RBFOX1: variants seen among roughly 807,000 people sequenced by gnomAD.
RBFOX1 encodes RNA binding fox-1 homolog 1, also known as RNA binding protein fox-1 homolog 1.
In RBFOX1, 8 loss-of-function variants were observed where a neutral mutation model predicts 57.7. The observed-to-expected ratio is 0.14, with a 90% CI of 0.08 to 0.25. The LOEUF is 0.25. Ranked by LOEUF, RBFOX1 falls within the 10% of genes least tolerant of loss-of-function variation. The pLI, the probability that RBFOX1 is intolerant of heterozygous loss-of-function variation, is 1.00. For synonymous variants in RBFOX1, 326 were observed against 222.4 expected, an observed-to-expected ratio of 1.47 and a Z score of -4.15; for missense variants, 611 against 548.5, an observed-to-expected ratio of 1.11 and a Z score of -1.14.
intron 4 of RBFOX1, among the ~76,000 whole-genome samples, chr16:7,338,338 A>T (rs187719749): frequency 6.6e-6 from 1 of 152,284 alleles, no homozygotes; most frequent in East Asian, 1.9e-4. Flanking sequence ...AAAAATGCCA[A>T]TGTATGCCTC....
chr16:6,494,671 T>G (rs958994982), intron 2 of RBFOX1, among the ~76,000 whole-genome samples: 1 of 152,242 alleles, frequency 6.6e-6, no homozygotes, highest in Non-Finnish European at 1.5e-5. Flanking sequence ...ACCGTGAGTT[T>G]CACTTCTCTG....
intron 3 of RBFOX1, among the ~76,000 whole-genome samples, chr16:6,792,625 A>G (rs1223595894): frequency 6.6e-6 from 1 of 152,204 alleles, no homozygotes; most frequent in East Asian, 1.9e-4. Context: ...CCTTCATGTA[A>G]CATTGCTGTC....
At position 5,831,527 on chromosome 16, in the gene RBFOX1, T is replaced by G. The variant is rs566321048; in HGVS notation, c.319-35776T>G. 3.9e-3 allele frequency among the ~76,000 whole-genome samples: 570 copies of G among 147,656 alleles called. 3 individuals are homozygous for G. Among genetic ancestry groups the G allele is most frequent in the Middle Eastern group, 0.017 (5 of 286 alleles). ...TATTATTTGAGATGGAGTTTCGCTCTTGTCCAGGCCAGAGTGCAGTGGCAC... is the reference window on the plus strand; with the variant it reads ...TATTATTTGAGATGGAGTTTCGCTCGTGTCCAGGCCAGAGTGCAGTGGCAC... On this transcript the variant is annotated intron_variant, in intron 3 of 19. Coordinates refer to the RBFOX1 transcript ENST00000641259.
intron 4 of RBFOX1, among the ~76,000 whole-genome samples, chr16:5,883,275 T>G (rs11076982): frequency 0.53 from 80,914 of 152,082 alleles, 23,456 homozygotes; most frequent in African/African-American, 0.78. Context: ...ATTTCAGATA[T>G]ATTTTAAAAA....
At chr16:7,530,008 C>CAA (rs35251344) in intron 5 of RBFOX1, among the ~76,000 whole-genome samples, 84,013 of 125,008 alleles carry the variant, frequency 0.67, 31,553 homozygotes, top group Non-Finnish European at 0.85. Flanking sequence ...GACTCCATCT[C>CAA]AAAAAAAAAA....
intron 4 of RBFOX1, among the ~76,000 whole-genome samples, chr16:7,336,963 T>G (rs1411176288): frequency 6.6e-6 from 1 of 152,210 alleles, no homozygotes; most frequent in African/African-American, 2.4e-5. Flanking sequence ...TTCAGGGTGT[T>G]GTCCTAGACC....
At chr16:7,532,690 G>T (rs954885248) in intron 5 of RBFOX1, among the ~76,000 whole-genome samples, 5 of 152,196 alleles carry the variant, frequency 3.3e-5, no homozygotes, top group Non-Finnish European at 7.3e-5. Context: ...CTCGTGGGCC[G>T]ATTCCTGCCT....
intron 1 of RBFOX1, among the ~76,000 whole-genome samples, chr16:6,031,616 C>T (rs546151831): frequency 6.6e-6 from 1 of 152,252 alleles, no homozygotes; most frequent in East Asian, 1.9e-4. Context: ...TTTTTGTGTA[C>T]ATTTCTGCAC....
At chr16:7,575,053 G>A (rs942331943) in intron 5 of RBFOX1, among the ~76,000 whole-genome samples, 1 of 151,830 alleles carries the variant, frequency 6.6e-6, no homozygotes, top group Admixed American at 6.6e-5. Context: ...TCTTATTTGG[G>A]GGGGGCTGTG....
At chr16:5,672,360 G>A (rs1231389854) in intron 3 of RBFOX1, among the ~76,000 whole-genome samples, 1 of 152,118 alleles carries the variant, frequency 6.6e-6, no homozygotes, top group African/African-American at 2.4e-5. Flanking sequence ...GCCTGGTGCT[G>A]TCTCTAGTGC....
chr16:5,593,080 T>G lies in RBFOX1; in HGVS notation c.259-5822T>G, dbSNP rs2047062822. On this transcript the variant is annotated intron_variant, in intron 2 of 2. Coordinates refer to the RBFOX1 transcript ENST00000585867. ...TGCTTATAAAACAATAGCAAAGACC[T>G]GGAACCAACCCAAATATCCATCAAT... is the stretch of plus-strand genomic sequence containing the variant. 2.0e-5 allele frequency among the ~76,000 whole-genome samples: 3 copies of G among 152,162 alleles called. 1 individual carries two copies. Among genetic ancestry groups the G allele is most frequent in the South Asian group, 4.1e-4 (2 of 4,830 alleles).
At chr16:6,905,258 TTAAA>T (rs1210221540) in intron 3 of RBFOX1, among the ~76,000 whole-genome samples, 1 of 150,662 alleles carries the variant, frequency 6.6e-6, no homozygotes, top group Non-Finnish European at 1.5e-5. Context: ...AAAAAAAAAA[TTAAA>T]AAAAAGAATG....
chr16:6,823,456 C>T (rs1202310288), intron 3 of RBFOX1, among the ~76,000 whole-genome samples: 2 of 152,032 alleles, frequency 1.3e-5, no homozygotes, highest in East Asian at 1.9e-4. Context: ...GGGGTTTTGC[C>T]ATGTTGGCCA....
intron 2 of RBFOX1, among the ~76,000 whole-genome samples, chr16:6,631,494 T>C (rs1253269559): frequency 6.6e-6 from 1 of 152,022 alleles, no homozygotes; most frequent in African/African-American, 2.4e-5. Context: ...ATTCTTAAAG[T>C]TACTCCATTC....
chr16:7,089,423 C>G (rs1353446601), intron 4 of RBFOX1, among the ~76,000 whole-genome samples: 1 of 151,954 alleles, frequency 6.6e-6, no homozygotes, highest in Non-Finnish European at 1.5e-5. Context: ...AAAGTAGTCA[C>G]GTGGGATTGT....
chr16:5,861,625 G>A (rs2057216526), intron 3 of RBFOX1, among the ~76,000 whole-genome samples: 1 of 152,192 alleles, frequency 6.6e-6, no homozygotes. Flanking sequence ...ACGAACATAA[G>A]CAGCCTTCAC....
In RBFOX1 at chr16:7,567,659, ATAT is replaced by A. The variant is rs1339066595; in HGVS notation, c.271-12117_271-12115del. On this transcript the variant is annotated intron_variant, in intron 5 of 15. Coordinates refer to ENST00000550418, the MANE Select transcript of RBFOX1 (RefSeq NM_018723.4). ...TATCCCTATATATGGCCCTATATAT[ATAT>A]ATCCCTATATATGGCCCTATATAGA... is the stretch of plus-strand genomic sequence containing the variant. 7.1e-4 allele frequency among the ~76,000 whole-genome samples: 94 copies of A among 132,410 alleles called. 2 individuals carry two copies. Among genetic ancestry groups the A allele is most frequent in the East Asian group, 1.8e-3 (8 of 4,550 alleles). The allele number at this position is 132,410 out of a possible 152,430, so 86.9% of individuals were successfully genotyped here.
At chr16:6,192,094 C>T (rs2097145435) in intron 1 of RBFOX1, among the ~76,000 whole-genome samples, 1 of 152,180 alleles carries the variant, frequency 6.6e-6, no homozygotes, top group African/African-American at 2.4e-5. Context: ...CATCTGCCTC[C>T]TGCTACCTCC....
intron 1 of RBFOX1, among the ~76,000 whole-genome samples, chr16:6,147,887 C>G (rs1405685876): frequency 1.3e-5 from 2 of 152,204 alleles, no homozygotes. Context: ...TCAAATCCCC[C>G]CACTTCTAGT....
Sources: allele counts gnomAD v4.1 joint callset (sites outside exome capture counted in the v4.1 genomes callset), GRCh38; gene constraint gnomAD v4.1.1; transcripts MANE v1.5; gene names NCBI Gene and HGNC (gene_info 2026-07-23, HGNC 2026-07-21).